SCARA5: variants seen among roughly 807,000 people sequenced by gnomAD.
The protein encoded by SCARA5 is scavenger receptor class A member 5, also known as scavenger receptor class A, member 5 (putative).
In SCARA5, 45 loss-of-function variants were observed where a neutral mutation model predicts 46.3. That is an observed-to-expected ratio of 0.97 (90% CI 0.76 to 1.24). The LOEUF (loss-of-function observed/expected upper bound fraction) is 1.24. SCARA5 is among the 50% of genes most tolerant of loss of function. The pLI is 0.00. For synonymous variants in SCARA5, 333 were observed against 306.5 expected (o/e 1.09, Z -0.90); for missense variants, 680 against 689.0 (o/e 0.99, Z 0.15).
At chr8:27,984,150 C>T (rs532292627) in intron 2 of SCARA5, among the ~76,000 whole-genome samples, 1 of 152,212 alleles carries the variant, frequency 6.6e-6, no homozygotes, top group Admixed American at 6.5e-5. Flanking sequence ...CCATTTCACT[C>T]CGCAGAGATA....
At chr8:27,980,685 A>C (rs1002526298) in intron 2 of SCARA5, among the ~76,000 whole-genome samples, 10 of 152,212 alleles carry the variant, frequency 6.6e-5, no homozygotes, top group Admixed American at 1.3e-4. Context: ...CTCTTCTGGT[A>C]GCAAACCTCA....
At chr8:27,872,763 G>A (rs932850420) in intron 8 of SCARA5, among the ~76,000 whole-genome samples, 10 of 152,208 alleles carry the variant, frequency 6.6e-5, no homozygotes, top group African/African-American at 1.9e-4. Context: ...TGTGGGATTA[G>A]TCACACCCAA....
At chr8:27,874,658 G>T (rs935383427) in intron 8 of SCARA5, among the ~76,000 whole-genome samples, 1 of 152,226 alleles carries the variant, frequency 6.6e-6, no homozygotes, top group South Asian at 2.1e-4. Flanking sequence ...CACTAAAGCT[G>T]TCTCCCAATA....
chr8:27,889,966 G>T (rs1482240740), intron 7 of SCARA5, among the ~76,000 whole-genome samples: 1 of 152,162 alleles, frequency 6.6e-6, no homozygotes, highest in Non-Finnish European at 1.5e-5. Flanking sequence ...TTTTATCAAT[G>T]TCTGTGTTTA....
intron 8 of SCARA5, among the ~76,000 whole-genome samples, chr8:27,879,113 TA>T (rs980792231): frequency 9.9e-5 from 15 of 152,022 alleles, no homozygotes; most frequent in Admixed American, 5.9e-4. Context: ...ACAGCGATGA[TA>T]CCTGTATACT....
chr8:27,930,998 G>T (rs1807763806), intron 3 of SCARA5, among the ~76,000 whole-genome samples: 1 of 152,232 alleles, frequency 6.6e-6, no homozygotes, highest in Non-Finnish European at 1.5e-5. Context: ...GAGAAAAAGG[G>T]AGGGGCCTTC....
intron 3 of SCARA5, among the ~76,000 whole-genome samples, chr8:27,952,983 C>T (rs1447919495): frequency 1.3e-5 from 2 of 152,206 alleles, no homozygotes; most frequent in South Asian, 2.1e-4. Context: ...GAGCAGATCA[C>T]TTTTGCAGGA....
chr8:27,991,450 C>T (rs967057376), intron 1 of SCARA5, among the ~76,000 whole-genome samples: 8 of 152,170 alleles, frequency 5.3e-5, no homozygotes, highest in South Asian at 2.1e-4. Flanking sequence ...AAAAGGCAAT[C>T]GCGAATGCAC....
At chr8:27,966,577 G>T (rs1272930367) in intron 2 of SCARA5, 35 bp from the exon 3 acceptor site, 2 of 1,571,864 alleles carry the variant, frequency 1.3e-6, no homozygotes, top group African/African-American at 1.4e-5. Context: ...AAGGAAAGAA[G>T]ACACTTAAAA....
At chr8:27,925,398 T>C (rs1274758927) in intron 3 of SCARA5, among the ~76,000 whole-genome samples, 3 of 152,334 alleles carry the variant, frequency 2.0e-5, no homozygotes, top group East Asian at 3.9e-4. Flanking sequence ...AAGGATTTCC[T>C]ATTTAATAAA....
chr8:27,916,464 C>T (rs965569430), intron 4 of SCARA5, among the ~76,000 whole-genome samples: 2 of 151,776 alleles, frequency 1.3e-5, no homozygotes, highest in Admixed American at 6.6e-5. Context: ...TGCAGGTATG[C>T]GTATATGTGT....
At chr8:27,900,814 C>T (rs1807140813) in intron 7 of SCARA5, among the ~76,000 whole-genome samples, 1 of 145,092 alleles carries the variant, frequency 6.9e-6, no homozygotes, top group South Asian at 2.2e-4. Context: ...TTTTCCTGGC[C>T]AAACTCCCAA....
intron 3 of SCARA5, among the ~76,000 whole-genome samples, chr8:27,929,680 A>G (rs74726953): frequency 0.029 from 4,419 of 152,274 alleles, 109 homozygotes; most frequent in East Asian, 0.052. Flanking sequence ...CTGTCCTCCA[A>G]ACCTACTGCT....
chr8:27,952,096 G>A (rs1808137185), intron 3 of SCARA5, among the ~76,000 whole-genome samples: 1 of 151,948 alleles, frequency 6.6e-6, no homozygotes, highest in Non-Finnish European at 1.5e-5. Context: ...GGGAGATCTG[G>A]ACACAGAAAC....
At chr8:27,881,330 G>T (rs1806809082) in intron 7 of SCARA5, among the ~76,000 whole-genome samples, 1 of 152,148 alleles carries the variant, frequency 6.6e-6, no homozygotes, top group Non-Finnish European at 1.5e-5. Flanking sequence ...TAAAGAAAAT[G>T]TGGTACATAT....
chr8:27,929,674 C>T (rs1261693788), intron 3 of SCARA5, among the ~76,000 whole-genome samples: 2 of 152,180 alleles, frequency 1.3e-5, no homozygotes, highest in Admixed American at 1.3e-4. Flanking sequence ...CTTACCCTGT[C>T]CTCCAAACCT....
intron 3 of SCARA5, among the ~76,000 whole-genome samples, chr8:27,961,626 G>A (rs960899055): frequency 6.6e-6 from 1 of 152,218 alleles, no homozygotes. Context: ...CACATAGCTG[G>A]TGATAGAGAA....
intron 3 of SCARA5, among the ~76,000 whole-genome samples, chr8:27,965,251 C>G (rs146767285): frequency 3.9e-5 from 6 of 152,178 alleles, no homozygotes; most frequent in South Asian, 4.1e-4. Context: ...GAATCAAGAC[C>G]GGGGAGGTCC....
At chr8:27,974,873 C>T (rs1808499648) in intron 2 of SCARA5, among the ~76,000 whole-genome samples, 1 of 151,844 alleles carries the variant, frequency 6.6e-6, no homozygotes, top group South Asian at 2.1e-4. Flanking sequence ...TCCTCAACAA[C>T]TGTGATGTTG....
Sources: gnomAD v4.1 joint callset for allele counts (sites outside exome capture counted in the v4.1 genomes callset) on GRCh38, gnomAD v4.1.1 for gene constraint, MANE v1.5 for transcripts, NCBI Gene and HGNC (gene_info 2026-07-23, HGNC 2026-07-21) for gene names.